Variants in PCDHGC3 observed in about 807,000 individuals in gnomAD.
The protein encoded by PCDHGC3 is protocadherin gamma subfamily C, 3.
In PCDHGC3, 26 loss-of-function variants were observed where a neutral mutation model predicts 59.2. The observed-to-expected ratio is 0.44, with a 90% CI of 0.32 to 0.61. The LOEUF is 0.61. PCDHGC3 is among the 20% of genes least tolerant of loss of function. The pLI, the probability that PCDHGC3 is intolerant of heterozygous loss-of-function variation, is 0.05. For missense variants in PCDHGC3, 1,080 were observed against 1,221.8 expected, an observed-to-expected ratio of 0.88 and a Z score of 1.73; for synonymous variants, 487 against 519.7, an observed-to-expected ratio of 0.94 and a Z score of 0.86.
At chr5:141,478,862 C>A in intron 1 of PCDHGC3, 1 of 1,326,032 alleles carries the variant, frequency 7.5e-7, no homozygotes, top group Non-Finnish European at 1.0e-6. Context: ...AAGATCTCAG[C>A]GATCAGAGTT....
rs145936007 is a variant in PCDHGC3, at chr5:141,490,795, C to T, written c.2431-4012C>T. 2.0e-5 allele frequency: 33 copies of T among 1,614,036 alleles called. No homozygotes were observed. Among genetic ancestry groups the T allele is most frequent in the Non-Finnish European group, 2.8e-5 (33 of 1,179,922 alleles). ...CCCAGAGGATGGACGGATCTTTGCC[C>T]AGCGTACCTTTGACTATGAATTGCT... On this transcript the variant is annotated intron_variant, in intron 1 of 3. Coordinates refer to ENST00000308177, the MANE Select transcript of PCDHGC3 (RefSeq NM_002588.4). This position sits in a 1 kb window ranked among gnomAD's most constrained non-coding sequence, Gnocchi z 5.4.
At position 141,476,978 on chromosome 5, in the gene PCDHGC3, C is replaced by T; in HGVS notation, c.862C>T (p.Arg288Cys). 2 of 1,614,256 alleles carry T rather than the reference C, an allele frequency of 1.2e-6. No homozygotes were observed. Among genetic ancestry groups the T allele is most frequent in the Non-Finnish European group, 1.7e-6 (2 of 1,180,058 alleles). ...EIIYSFGSHNRAGVRQLFALD... is the reference protein window; with the variant it reads ...EIIYSFGSHNCAGVRQLFALD... ...TATTTACTCCTTCGGCAGCCACAAC[C>T]GCGCCGGCGTGCGGCAACTATTCGC... The change falls in exon 1 of 4, where the codon CGC becomes TGC. Residue 288 changes from arginine to cysteine, a missense_variant. Coordinates refer to ENST00000308177, the MANE Select transcript of PCDHGC3 (RefSeq NM_002588.4). This position sits in a 1 kb window ranked among gnomAD's most constrained non-coding sequence, Gnocchi z 7.6.
chr5:141,486,408 C>T lies in PCDHGC3; in HGVS notation c.2430+7862C>T. On this transcript the variant is annotated intron_variant, in intron 1 of 3. Coordinates refer to ENST00000308177, the MANE Select transcript of PCDHGC3 (RefSeq NM_002588.4). This position sits in a 1 kb window ranked among gnomAD's most constrained non-coding sequence, Gnocchi z 5.0. ...CAGTTCTCCCTGGTGACTGCTGGAC[C>T]CTTGGATCGAGAGGCCAAATCTAGC... is the stretch of plus-strand genomic sequence containing the variant. The T allele has an allele frequency of 1.2e-6, 2 of 1,614,156 alleles. No individual in the cohort carries two copies. Among genetic ancestry groups the T allele is most frequent in the South Asian group, 2.2e-5 (2 of 91,084 alleles).
At position 141,476,140 on chromosome 5, in the gene PCDHGC3, C is replaced by A. The variant is rs1410430310; in HGVS notation, c.24C>A (p.Ser8Arg). The change falls in exon 1 of 4, where the codon AGC becomes AGA. Residue 8 changes from serine (S) to arginine (R), a missense_variant. By Grantham distance (110) the Ser-to-Arg change is moderately radical. Coordinates refer to ENST00000308177, the MANE Select transcript of PCDHGC3 (RefSeq NM_002588.4). The surrounding 1 kb of genome is among the most constrained non-coding windows in gnomAD (Gnocchi z 7.6). MVPEAWR[S>R]GLVSTGRVVG... ...AGATGGTCCCAGAGGCCTGGAGGAG[C>A]GGACTGGTAAGCACCGGGAGGGTAG... 6 of 1,609,222 alleles carry A rather than the reference C, an allele frequency of 3.7e-6. No homozygotes were observed. The highest frequency in any genetic ancestry group is 5.1e-6 in the Non-Finnish European group (6 of 1,178,484).
chr5:141,491,138 C>T lies in PCDHGC3; in HGVS notation c.2431-3669C>T. The T allele has an allele frequency of 1.2e-6, 2 of 1,614,106 alleles. No individual in the cohort carries two copies. The highest frequency in any genetic ancestry group is 1.7e-6 in the Non-Finnish European group (2 of 1,179,962). On this transcript the variant is annotated intron_variant, in intron 1 of 3. Transcript: ENST00000308177. The surrounding 1 kb of genome is among the most constrained non-coding windows in gnomAD (Gnocchi z 6.9). ...ACTGGTGAGGTGCGCACAGCCCGGG[C>T]CTTACTGGAGGATGACTCTGACACC...
chr5:141,485,865 C>A lies in PCDHGC3; in HGVS notation c.2430+7319C>A. ...TCTGGCACCGCAGAGCTCCGGGTAT[C>A]CGTGCTGGACGTAAACGACAACGCC... On this transcript the variant is annotated intron_variant, in intron 1 of 3. Transcript: ENST00000308177. The surrounding 1 kb of genome is among the most constrained non-coding windows in gnomAD (Gnocchi z 5.7). 1 of 1,614,182 alleles carries A rather than the reference C, an allele frequency of 6.2e-7. No homozygotes were observed. The highest frequency in any genetic ancestry group is 8.5e-7 in the Non-Finnish European group (1 of 1,180,034).
At position 141,491,267 on chromosome 5, in the gene PCDHGC3, A is replaced by C. The variant is rs1376540913; in HGVS notation, c.2431-3540A>C. ...GATGAGGACCCTGAGGAAATGCCCA[A>C]ATCCAGTGACTTCCTCATACACCCT... On this transcript the variant is annotated intron_variant, in intron 1 of 3. Coordinates refer to ENST00000308177, the MANE Select transcript of PCDHGC3 (RefSeq NM_002588.4). This position sits in a 1 kb window ranked among gnomAD's most constrained non-coding sequence, Gnocchi z 6.9. The C allele has an allele frequency of 2.5e-6, 4 of 1,613,944 alleles. No individual in the cohort carries two copies. The highest frequency in any genetic ancestry group is 3.4e-6 in the Non-Finnish European group (4 of 1,179,936).
At position 141,491,971 on chromosome 5, in the gene PCDHGC3, T is replaced by C. The variant is rs62379205; in HGVS notation, c.2431-2836T>C. ...CCTACACTCAAAAAAGGCCGGGGCC[T>C]CCTTCGAGCTTCCGGTGAATTTCGG... is the stretch of plus-strand genomic sequence containing the variant. On this transcript the variant is annotated intron_variant, in intron 1 of 3. Coordinates refer to ENST00000308177, the MANE Select transcript of PCDHGC3 (RefSeq NM_002588.4). This position sits in a 1 kb window ranked among gnomAD's most constrained non-coding sequence, Gnocchi z 6.9. The C allele has an allele frequency of 0.2, 165,735 of 830,872 alleles. 17,637 individuals are homozygous for C. Among genetic ancestry groups the C allele is most frequent in the Admixed American group, 0.32 (8,466 of 26,688 alleles). 51.5% of individuals were successfully genotyped at this position (830,872 alleles called of 1,614,324 possible).
Position 141,491,757 on chromosome 5 carries a change from C to G in PCDHGC3, c.2431-3050C>G. ...CTGGGGGCGGCACTGGAGAAGCCGC[C>G]CGTCCTCATAAGGGATTGAACTTGC... On this transcript the variant is annotated intron_variant, in intron 1 of 3. Coordinates refer to ENST00000308177, the MANE Select transcript of PCDHGC3 (RefSeq NM_002588.4). This position sits in a 1 kb window ranked among gnomAD's most constrained non-coding sequence, Gnocchi z 6.9. 1 of 1,580,374 alleles carries G rather than the reference C, an allele frequency of 6.3e-7. No individual in the cohort carries two copies. The highest frequency in any genetic ancestry group is 1.9e-5 in the Admixed American group (1 of 53,534).
intron 1 of PCDHGC3, among the ~76,000 whole-genome samples, chr5:141,482,884 C>A (rs2099574053): frequency 6.6e-6 from 1 of 152,116 alleles, no homozygotes; most frequent in Non-Finnish European, 1.5e-5. Flanking sequence ...CCAGCCTGGC[C>A]AACATGGTGA....
In PCDHGC3 at chr5:141,476,331, C is replaced by T; in HGVS notation, c.215C>T (p.Ala72Val). Residue 72 changes from alanine to valine, a missense_variant, in exon 1 of 4, where the codon GCT becomes GTT. Ala to Val is a moderately conservative substitution (Grantham distance 64). Transcript: ENST00000308177. This position sits in a 1 kb window ranked among gnomAD's most constrained non-coding sequence, Gnocchi z 7.6. The part of the protein sequence containing the change: ...SARRFRVVSG[A>V]SRRFFEVNRE... Reference sequence around the variant, plus strand: ...CGCAGGTTCCGGGTGGTGTCTGGAGCTAGCCGAAGATTCTTTGAGGTGAAC... The same window carrying T: ...CGCAGGTTCCGGGTGGTGTCTGGAGTTAGCCGAAGATTCTTTGAGGTGAAC... 1.2e-6 allele frequency: 2 copies of T among 1,614,156 alleles called. No individual in the cohort carries two copies. Among genetic ancestry groups the T allele is most frequent in the Non-Finnish European group, 1.7e-6 (2 of 1,180,042 alleles).
chr5:141,509,051 A>G (rs1051961974), intron 3 of PCDHGC3, among the ~76,000 whole-genome samples: 1 of 152,166 alleles, frequency 6.6e-6, no homozygotes, highest in Admixed American at 6.5e-5. Context: ...CCCCGCCCCC[A>G]GAAAGCTCTC....
chr5:141,489,088 G>GCCAA lies in PCDHGC3; in HGVS notation c.2431-5719_2431-5718insCCAA. The GCCAA allele has an allele frequency of 2.9e-6, 1 of 347,240 alleles. No individual in the cohort carries two copies. Among genetic ancestry groups the GCCAA allele is most frequent in the Non-Finnish European group, 5.0e-6 (1 of 200,708 alleles). The allele number at this position is 347,240 out of a possible 1,614,324, so 21.5% of individuals were successfully genotyped here. A position where few individuals can be genotyped will look rare whatever the true frequency, so the allele number is the denominator to read the frequency against. ...CCCCTGCCCACCCCCGCCACTCGGT[G>GCCAA]ACTAAGAACTGCTGCAAGCAGGCAA... On this transcript the variant is annotated intron_variant, in intron 1 of 3. Transcript: ENST00000308177. This position sits in a 1 kb window ranked among gnomAD's most constrained non-coding sequence, Gnocchi z 4.5.
In PCDHGC3 at chr5:141,476,784, C is replaced by A; in HGVS notation, c.668C>A (p.Ala223Asp). 1 of 1,613,520 alleles carries A rather than the reference C, an allele frequency of 6.2e-7. No homozygotes were observed. Residue 223 changes from alanine (A) to aspartate (D), a missense_variant, in exon 1 of 4, where the codon GCT becomes GAT. Transcript: ENST00000308177. The surrounding 1 kb of genome is among the most constrained non-coding windows in gnomAD (Gnocchi z 7.6). ...VLTALDGGTP[A>D]LSASLPIHIK... ...ACGGCGTTGGACGGAGGGACCCCAGCTCTCTCCGCCAGCCTGCCTATTCAC... is the reference window on the plus strand; with the variant it reads ...ACGGCGTTGGACGGAGGGACCCCAGATCTCTCCGCCAGCCTGCCTATTCAC...
chr5:141,502,535 G>A (rs910160644), intron 2 of PCDHGC3, among the ~76,000 whole-genome samples: 14 of 152,172 alleles, frequency 9.2e-5, no homozygotes, highest in South Asian at 2.1e-4. Flanking sequence ...GAGTTTGTTC[G>A]TGTGGTAAAA....
At position 141,485,464 on chromosome 5, in the gene PCDHGC3, G is replaced by A. The variant is rs2099614016; in HGVS notation, c.2430+6918G>A. ...CAATCGACCGAGAGGCACTGTGTGG[G>A]CTCAGTGCCAGCTGCATCGTGCCCC... is the stretch of plus-strand genomic sequence containing the variant. On this transcript the variant is annotated intron_variant, in intron 1 of 3. Coordinates refer to ENST00000308177, the MANE Select transcript of PCDHGC3 (RefSeq NM_002588.4). The surrounding 1 kb of genome is among the most constrained non-coding windows in gnomAD (Gnocchi z 5.7). 6.2e-7 allele frequency: 1 copy of A among 1,614,106 alleles called. No homozygotes were observed. The highest frequency in any genetic ancestry group is 8.5e-7 in the Non-Finnish European group (1 of 1,179,958).
At chr5:141,479,633 T>TAACAAC (rs749744124) in intron 1 of PCDHGC3, 1 of 152,114 alleles carries the variant, frequency 6.6e-6, no homozygotes, top group Admixed American at 6.5e-5. Flanking sequence ...TCTTTAACAA[T>TAACAAC]AACAACAACA....
At chr5:141,492,382 T>C (rs71583650) in intron 1 of PCDHGC3, among the ~76,000 whole-genome samples, 2,103 of 152,322 alleles carry the variant, frequency 0.014, 36 homozygotes, top group African/African-American at 0.031. Flanking sequence ...ACAGGCCTGT[T>C]CCGGTCCACT....
Position 141,490,732 on chromosome 5 carries a change from G to T in PCDHGC3, c.2431-4075G>T, listed in dbSNP as rs775388969. 4 of 1,614,188 alleles carry T rather than the reference G, an allele frequency of 2.5e-6. No individual in the cohort carries two copies. Among genetic ancestry groups the T allele is most frequent in the Non-Finnish European group, 3.4e-6 (4 of 1,180,042 alleles). ...CACCTACTCCATTGTAGGAAATCAGGTTCAGGGAGCCCCAGCCTCCTCCTT... is the reference window on the plus strand; with the variant it reads ...CACCTACTCCATTGTAGGAAATCAGTTTCAGGGAGCCCCAGCCTCCTCCTT... On this transcript the variant is annotated intron_variant, in intron 1 of 3. Transcript: ENST00000308177. The surrounding 1 kb of genome is among the most constrained non-coding windows in gnomAD (Gnocchi z 5.4).
Sources: allele counts gnomAD v4.1 joint callset (sites outside exome capture counted in the v4.1 genomes callset), GRCh38; gene constraint gnomAD v4.1.1; non-coding constraint Gnocchi (gnomAD v3.1); transcripts MANE v1.5; gene names NCBI Gene and HGNC (gene_info 2026-07-23, HGNC 2026-07-21).